Variants in STAT5B observed in about 807,000 individuals in gnomAD.
STAT5B encodes signal transducer and activator of transcription 5B.
In STAT5B, 21 loss-of-function variants were observed where a neutral mutation model predicts 107.8. The ratio of observed to expected loss-of-function variants is 0.19; its 90% CI spans 0.14 to 0.28. The LOEUF (loss-of-function observed/expected upper bound fraction) is 0.28, where lower values mean the gene tolerates loss of function less well. Among genes scored for constraint, STAT5B ranks in the 10% least tolerant of loss-of-function variants. The pLI is 1.00. For missense variants in STAT5B, 565 were observed against 1,008.2 expected, an observed-to-expected ratio of 0.56 and a Z score of 5.95; for synonymous variants, 325 against 401.7, an observed-to-expected ratio of 0.81 and a Z score of 2.28.
At chr17:42,272,809 T>C (rs902426623) in intron 1 of STAT5B, 1 of 152,182 alleles carries the variant, frequency 6.6e-6, no homozygotes, top group African/African-American at 2.4e-5. Flanking sequence ...AAGGAAGTGA[T>C]GGGTGTGACC....
intron 1 of STAT5B, chr17:42,271,013 T>A (rs2080718531): frequency 2.6e-5 from 4 of 152,238 alleles, no homozygotes; most frequent in African/African-American, 7.2e-5. Context: ...CTCTGGGTTT[T>A]GAACATAATT....
At chr17:42,281,819 C>G in the STAT5B span, among the ~76,000 whole-genome samples, 1 of 152,192 alleles carries the variant, frequency 6.6e-6, no homozygotes, top group Non-Finnish European at 1.5e-5. Flanking sequence ...TCACTGGGCT[C>G]TCTCCACCCA....
chr17:42,243,528 C>T (rs535284816), intron 1 of STAT5B, among the ~76,000 whole-genome samples: 1 of 152,262 alleles, frequency 6.6e-6, no homozygotes, highest in South Asian at 2.1e-4. Context: ...ATGGCCATGT[C>T]GTCTGCATCT....
At chr17:42,277,027 C>T (rs2080772714), upstream of STAT5B, among the ~76,000 whole-genome samples, 1 of 152,226 alleles carries the variant, frequency 6.6e-6, no homozygotes, top group Non-Finnish European at 1.5e-5. Context: ...CGGTTCCCTT[C>T]CTGGGAAAAT....
chr17:42,260,181 T>C (rs2080582725), intron 1 of STAT5B, among the ~76,000 whole-genome samples: 1 of 152,234 alleles, frequency 6.6e-6, no homozygotes, highest in Non-Finnish European at 1.5e-5. Context: ...AAACTGGTGT[T>C]CAATTTAATA....
chr17:42,211,366 C>T (rs1177331127), intron 13 of STAT5B, among the ~76,000 whole-genome samples: 2 of 151,866 alleles, frequency 1.3e-5, no homozygotes, highest in Non-Finnish European at 2.9e-5. Flanking sequence ...AATTGCGGGG[C>T]GTGGTGCCGC....
Position 42,256,983 on chromosome 17 carries a change from G to GA in STAT5B, c.-11+19264dup, listed in dbSNP as rs543308387. On this transcript the variant is annotated intron_variant, in intron 1 of 18. Transcript: ENST00000293328. The stretch of plus-strand genomic sequence containing the variant: ...CTTTATCATAATTATATATGCATAG[G>GA]AAAAAACAATATATATATGTAGGGT... Among the ~76,000 whole-genome samples the GA allele has an allele frequency of 2.4e-4, 37 of 151,218 alleles. No homozygotes were observed. The South Asian group carries it at 7.5e-3, about 31-fold the overall frequency.
chr17:42,217,449 C>T lies in STAT5B; in HGVS notation c.1185G>A (p.Glu395=). The change falls in exon 10 of 19, where the codon GAG becomes GAA. Residue 395 remains glutamate, a synonymous_variant. Coordinates refer to ENST00000293328, the MANE Select transcript of STAT5B (RefSeq NM_012448.4). ...CCATGACGCAGCAGTTGTTCAAGAT[C>T]TCGCCACTGTAATCACTGCAAATCA... ...NENTRNDYSG[E]ILNNCCVMEY... is the part of the protein sequence containing the mutation. 1 of 1,614,206 alleles carries T rather than the reference C, an allele frequency of 6.2e-7. No homozygotes were observed. Among genetic ancestry groups the T allele is most frequent in the Non-Finnish European group, 8.5e-7 (1 of 1,180,046 alleles).
At chr17:42,262,675 G>A (rs1024994189) in intron 1 of STAT5B, among the ~76,000 whole-genome samples, 1 of 149,818 alleles carries the variant, frequency 6.7e-6, no homozygotes, top group African/African-American at 2.5e-5. Context: ...ACAAAGTTCA[G>A]GGTTAAAACA....
intron 16 of STAT5B, among the ~76,000 whole-genome samples, chr17:42,206,701 G>C (rs186426208): frequency 6.6e-6 from 1 of 150,780 alleles, no homozygotes; most frequent in Non-Finnish European, 1.5e-5. Context: ...CAGCCTTCCC[G>C]AGTAGCTGGG....
intron 2 of STAT5B, among the ~76,000 whole-genome samples, chr17:42,230,197 T>C (rs761521412): frequency 5.9e-5 from 9 of 152,138 alleles, no homozygotes; most frequent in Non-Finnish European, 1.2e-4. Context: ...GCCTAGAAAA[T>C]TGCCTTTCTT....
At chr17:42,213,528 T>A (rs1459441059) in intron 12 of STAT5B, among the ~76,000 whole-genome samples, 3 of 149,420 alleles carry the variant, frequency 2.0e-5, no homozygotes, top group African/African-American at 7.5e-5. Flanking sequence ...TTATTTATTT[T>A]TTATTTTTTA....
At chr17:42,232,468 C>T (rs912658686) in intron 1 of STAT5B, among the ~76,000 whole-genome samples, 3 of 151,956 alleles carry the variant, frequency 2.0e-5, no homozygotes, top group Non-Finnish European at 2.9e-5. Context: ...AGGCTGGTCT[C>T]GAACTCCTGA....
In STAT5B at chr17:42,260,396, T is replaced by G. The variant is rs187665063; in HGVS notation, c.-11+15852A>C. ...GGAATGTAAAATATCTCAGTGTTTT[T>G]GTGGGCTTTTGGGTTCGTTTGTTTT... On this transcript the variant is annotated intron_variant, in intron 1 of 18. Coordinates refer to ENST00000293328, the MANE Select transcript of STAT5B (RefSeq NM_012448.4). Among the ~76,000 whole-genome samples, 55 of 152,336 alleles carry G rather than the reference T, an allele frequency of 3.6e-4. No homozygotes were observed. In the East Asian group the frequency reaches 0.011, roughly 29 times the overall value.
intron 4 of STAT5B, 101 bp downstream of exon 4, chr17:42,224,678 C>A: frequency 5.2e-6 from 6 of 1,156,174 alleles, no homozygotes; most frequent in Non-Finnish European, 7.7e-6. Flanking sequence ...TAAAGAGACA[C>A]CAATAGTGCA....
intron 17 of STAT5B, 93 bp from the exon 18 acceptor site, chr17:42,202,540 G>A: frequency 6.7e-7 from 1 of 1,499,368 alleles, no homozygotes; most frequent in South Asian, 1.1e-5. Context: ...TCTTTCTCAG[G>A]GTGTAGAAGG....
the STAT5B span, among the ~76,000 whole-genome samples, chr17:42,282,332 C>CT: frequency 3.8e-4 from 56 of 147,288 alleles, no homozygotes; most frequent in African/African-American, 1.1e-3. Context: ...GTGACTGAGT[C>CT]TTTTTTTTTT....
chr17:42,207,492 C>T, intron 16 of STAT5B, 66 bp downstream of exon 16: 1 of 922,130 alleles, frequency 1.1e-6, no homozygotes, highest in East Asian at 3.8e-5. Flanking sequence ...GGTATGCACA[C>T]ACACACACAC....
chr17:42,232,601 G>A (rs2080326193), intron 1 of STAT5B, among the ~76,000 whole-genome samples: 2 of 152,108 alleles, frequency 1.3e-5, no homozygotes, highest in Non-Finnish European at 1.5e-5. Context: ...TTCTTGAACT[G>A]AATTTTAACT....
Sources: gnomAD v4.1 joint callset for allele counts (sites outside exome capture counted in the v4.1 genomes callset) on GRCh38, gnomAD v4.1.1 for gene constraint, MANE v1.5 for transcripts, NCBI Gene and HGNC (gene_info 2026-07-23, HGNC 2026-07-21) for gene names.